The following PRDM15 variants were observed in gnomAD, a reference collection of about 807,000 sequenced individuals.
PRDM15 encodes PR domain zinc finger protein 15.
Under a neutral mutation model 128.6 loss-of-function variants are expected in PRDM15, and 64 were observed. The observed-to-expected ratio is 0.50, with a 90% CI of 0.41 to 0.61. The LOEUF is 0.61. Among genes scored for constraint, PRDM15 ranks in the 20% least tolerant of loss-of-function variants. PRDM15 has a pLI of 0.00. For missense variants in PRDM15, 1,242 were observed against 1,569.1 expected, an observed-to-expected ratio of 0.79 and a Z score of 3.52; for synonymous variants, 615 against 621.8, an observed-to-expected ratio of 0.99 and a Z score of 0.16.
chr21:41,835,605 G>T (rs1221432850), intron 10 of PRDM15, 81 bp from the exon 11 acceptor site: 7 of 1,129,156 alleles, frequency 6.2e-6, no homozygotes, highest in Non-Finnish European at 9.2e-6. Context: ...CTGCCCGGGC[G>T]ACTCCACGCC....
At chr21:41,816,943 G>GC (rs2062075703) in intron 18 of PRDM15, among the ~76,000 whole-genome samples, 2 of 149,804 alleles carry the variant, frequency 1.3e-5, no homozygotes, top group Non-Finnish European at 3.0e-5. Flanking sequence ...CCAGACCCCA[G>GC]CACTTCCCTC....
chr21:41,853,000 G>A (rs73361539), intron 5 of PRDM15, among the ~76,000 whole-genome samples: 6,066 of 152,304 alleles, frequency 0.04, 376 homozygotes, highest in African/African-American at 0.14. Flanking sequence ...GGACACAAAA[G>A]GCTACTGTGC....
intron 7 of PRDM15, among the ~76,000 whole-genome samples, chr21:41,839,363 C>CG (rs1038847827): frequency 6.6e-6 from 1 of 152,240 alleles, no homozygotes; most frequent in African/African-American, 2.4e-5. Context: ...TCTACCCTGA[C>CG]GGGGGTGCTG....
chr21:41,806,653 T>C (rs868282610), intron 21 of PRDM15, among the ~76,000 whole-genome samples: 6 of 2,814 alleles, frequency 2.1e-3, no homozygotes, highest in East Asian at 0.023. Context: ...ACCACCACCA[T>C]CACCACCACC....
At chr21:41,871,633 C>G in intron 1 of PRDM15, 1 of 1,602,276 alleles carries the variant, frequency 6.2e-7, no homozygotes, top group South Asian at 1.1e-5. Context: ...TGTAGGCCAA[C>G]AGTGGGTCAC....
At chr21:41,816,619 C>T (rs1055889338) in intron 18 of PRDM15, among the ~76,000 whole-genome samples, 3 of 152,208 alleles carry the variant, frequency 2.0e-5, no homozygotes, top group African/African-American at 7.2e-5. Context: ...GTAAGCTGGT[C>T]AACGGTTCCC....
In PRDM15 at chr21:41,801,276, C is replaced by T; in HGVS notation, c.3390G>A (p.Gln1130=). Residue 1130 remains glutamine (Q), a synonymous_variant, in exon 24 of 24, where the codon CAG becomes CAA. Coordinates refer to ENST00000398548, the MANE Select transcript of PRDM15 (RefSeq NM_001040424.3). ...PPQQAAQPQV[Q]AEQQQQQMYS... ...ACATCTGCTGCTGCTGCTGCTCCGC[C>T]TGCACCTGGGGCTGGGCCGCCTGCT... The T allele has an allele frequency of 6.5e-7, 1 of 1,545,146 alleles. No homozygotes were observed. The highest frequency in any genetic ancestry group is 8.7e-7 in the Non-Finnish European group (1 of 1,146,276).
At position 41,857,347 on chromosome 21, in the gene PRDM15, C is replaced by A. The variant is rs2063666367; in HGVS notation, c.132-18G>T. ...GGGATGACCTGGAAATGGAATAAAA[C>A]AAGACTCAAAAGAGAGCACTCACAC... On this transcript the variant is annotated intron_variant, in intron 3 of 23. Transcript: ENST00000398548. 3.7e-6 allele frequency: 6 copies of A among 1,613,374 alleles called. No homozygotes were observed. The highest frequency in any genetic ancestry group is 5.1e-6 in the Non-Finnish European group (6 of 1,179,940).
At chr21:41,842,690 C>T (rs1238556577) in intron 6 of PRDM15, among the ~76,000 whole-genome samples, 1 of 151,874 alleles carries the variant, frequency 6.6e-6, no homozygotes, top group African/African-American at 2.4e-5. Flanking sequence ...AGGGTTTCAC[C>T]ATGTTGGCCA....
intron 13 of PRDM15, among the ~76,000 whole-genome samples, chr21:41,824,549 A>G (rs28708536): frequency 0.79 from 119,669 of 152,194 alleles, 47,187 homozygotes; most frequent in African/African-American, 0.81. Flanking sequence ...TTGCACAAAC[A>G]ATCTCTCAAC....
chr21:41,847,234 C>T, intron 5 of PRDM15, 43 bp from the exon 6 acceptor site: 5 of 1,356,504 alleles, frequency 3.7e-6, no homozygotes, highest in Non-Finnish European at 5.1e-6. Context: ...CCCCAAGCAG[C>T]TCATATGTCT....
chr21:41,815,896 A>G (rs28657504), intron 18 of PRDM15, 60 bp from the exon 19 acceptor site: 1,598,265 of 1,598,306 alleles, frequency 1, 799,112 homozygotes, highest in Admixed American at 1. Flanking sequence ...CTGGGGGCCC[A>G]TGCCCGAGAC....
At position 41,879,038 on chromosome 21, in the gene PRDM15, G is replaced by T. The variant is rs1438978383; in HGVS notation, c.-10+232C>A. The T allele has an allele frequency of 9.0e-7, 1 of 1,117,132 alleles. No individual in the cohort carries two copies. Among genetic ancestry groups the T allele is most frequent in the Admixed American group, 3.7e-5 (1 of 27,172 alleles). 69.2% of individuals were successfully genotyped at this position (1,117,132 alleles called of 1,614,324 possible). ...CGCAGGGCGATCCCGGAGCGGCTCCGGGAAATCCAGCCGGGTTTTGACTCC... is the reference window on the plus strand; with the variant it reads ...CGCAGGGCGATCCCGGAGCGGCTCCTGGAAATCCAGCCGGGTTTTGACTCC... On this transcript the variant is annotated intron_variant, in intron 1 of 23. Coordinates refer to ENST00000398548, the MANE Select transcript of PRDM15 (RefSeq NM_001040424.3). This position sits in a 1 kb window ranked among gnomAD's most constrained non-coding sequence, Gnocchi z 5.1.
intron 21 of PRDM15, among the ~76,000 whole-genome samples, chr21:41,806,537 CTACCACCAACAT>C: frequency 8.9e-5 from 1 of 11,250 alleles, no homozygotes; most frequent in Non-Finnish European, 1.9e-4. Context: ...ACCACCATCA[CTACCACCAACAT>C]CACCACCATC....
chr21:41,836,228 G>T lies in PRDM15; in HGVS notation c.1184-21C>A, dbSNP rs560655791. The T allele has an allele frequency of 1.9e-5, 31 of 1,604,884 alleles. No homozygotes were observed. The South Asian group carries it at 3.2e-4, about 17-fold the overall frequency. The stretch of plus-strand genomic sequence containing the variant: ...GTCACCTGAGGAACCAACCAACAGA[G>T]AGCTCATTCACTACTTAGAGCATTT... On this transcript the variant is annotated intron_variant, in intron 9 of 23. Coordinates refer to ENST00000398548, the MANE Select transcript of PRDM15 (RefSeq NM_001040424.3).
At chr21:41,815,623 C>A (rs566801827) in intron 19 of PRDM15, 82 bp downstream of exon 19, 6 of 1,547,198 alleles carry the variant, frequency 3.9e-6, no homozygotes, top group African/African-American at 2.7e-5. Flanking sequence ...CGTCTCAAGG[C>A]GGCTCTCTCT....
At position 41,862,116 on chromosome 21, in the gene PRDM15, G is replaced by C; in HGVS notation, c.-9-1744C>G. On this transcript the variant is annotated intron_variant, in intron 1 of 23. Coordinates refer to ENST00000398548, the MANE Select transcript of PRDM15 (RefSeq NM_001040424.3). The surrounding 1 kb of genome is among the most constrained non-coding windows in gnomAD (Gnocchi z 4.1). Reference sequence around the variant, plus strand: ...AAGGGCAGAAGAAACCCAGAGTGGGGTGGGGAGGGCGCACGCTTTCATGAG... The same window carrying C: ...AAGGGCAGAAGAAACCCAGAGTGGGCTGGGGAGGGCGCACGCTTTCATGAG... 1 of 786,462 alleles carries C rather than the reference G, an allele frequency of 1.3e-6. No homozygotes were observed. The allele number at this position is 786,462 out of a possible 1,614,324, so 48.7% of individuals were successfully genotyped here.
At chr21:41,876,215 C>T (rs967256808) in intron 1 of PRDM15, among the ~76,000 whole-genome samples, 2 of 152,102 alleles carry the variant, frequency 1.3e-5, no homozygotes, top group African/African-American at 4.8e-5. Flanking sequence ...GTCTCCACTT[C>T]GATAAATCAT....
Position 41,854,686 on chromosome 21 carries a change from C to G in PRDM15, c.418G>C (p.Val140Leu), listed in dbSNP as rs375145375. 1 of 1,613,492 alleles carries G rather than the reference C, an allele frequency of 6.2e-7. No homozygotes were observed. The highest frequency in any genetic ancestry group is 8.5e-7 in the Non-Finnish European group (1 of 1,179,990). ...ATGTCTCTGGAGGTGGTGAAGTACACGTCGCTGCCGTGCTGGTAGGCCGTC... is the reference window on the plus strand; with the variant it reads ...ATGTCTCTGGAGGTGGTGAAGTACAGGTCGCTGCCGTGCTGGTAGGCCGTC... ...NLTAYQHGSD[V>L]YFTTSRDIPP... Residue 140 changes from valine to leucine, a missense_variant, in exon 5 of 24, where the codon GTG becomes CTG. Physicochemically the swap from Val to Leu is conservative, Grantham distance 32. This residue lies in a region of PRDM15 where 612 missense variants were observed against 717.0 expected (regional missense o/e 0.85). Transcript: ENST00000398548. The surrounding 1 kb of genome is among the most constrained non-coding windows in gnomAD (Gnocchi z 4.6).
Sources: allele counts gnomAD v4.1 joint callset (sites outside exome capture counted in the v4.1 genomes callset), GRCh38; gene constraint gnomAD v4.1.1; regional missense constraint gnomAD v4.1.1; non-coding constraint Gnocchi (gnomAD v3.1); transcripts MANE v1.5; gene names NCBI Gene and HGNC (gene_info 2026-07-23, HGNC 2026-07-21).